E2F4: variants seen among roughly 807,000 people sequenced by gnomAD.
E2F4 encodes the protein transcription factor E2F4.
A neutral mutation model predicts 44.5 loss-of-function variants in E2F4; 16 were observed. The observed-to-expected ratio is 0.36, with a 90% CI of 0.24 to 0.55. The LOEUF is 0.55. Among genes scored for constraint, E2F4 ranks in the 20% least tolerant of loss-of-function variants. The pLI is 0.87. For synonymous variants in E2F4, 242 were observed against 207.2 expected (o/e 1.17, Z -1.44); for missense variants, 473 against 522.1 (o/e 0.91, Z 0.92).
intron 1 of E2F4, 104 bp from the exon 2 acceptor site, chr16:67,192,657 A>T: frequency 3.6e-6 from 4 of 1,123,758 alleles, no homozygotes; most frequent in Non-Finnish European, 5.2e-6. Flanking sequence ...CCTGGGAGGC[A>T]CTACAGGGTT....
intron 7 of E2F4, among the ~76,000 whole-genome samples, chr16:67,196,692 G>A (rs3730408): frequency 0.032 from 4,876 of 152,228 alleles, 135 homozygotes; most frequent in South Asian, 0.067. Flanking sequence ...TCCACCTGCC[G>A]TCCTGTGTAC....
rs1326852360 is a variant in E2F4 at position 67,192,273 on chromosome 16, A to G, written c.46A>G (p.Ser16Gly). 1 of 1,327,730 alleles carries G rather than the reference A, an allele frequency of 7.5e-7. No individual in the cohort carries two copies. 82.2% of individuals were successfully genotyped at this position (1,327,730 alleles called of 1,614,324 possible). The change falls in exon 1 of 10, where the codon AGC becomes GGC. Residue 16 changes from serine (S) to glycine (G), a missense_variant. This residue lies in a region of E2F4 where 40 missense variants were observed against 30.8 expected (regional missense o/e 1.30). Transcript: ENST00000379378. ...PQAPPPPGTP[S>G]RHEKSLGLLT... ...GGCGCCGCCGCCCCCGGGCACTCCA[A>G]GCCGGCACGAAAAGAGCCTGGGACT...
At chr16:67,194,659 C>T (rs1433464409) in intron 5 of E2F4, 27 bp from the exon 6 acceptor site, 4 of 1,602,116 alleles carry the variant, frequency 2.5e-6, no homozygotes, top group East Asian at 4.5e-5. Context: ...TTCTACCCAT[C>T]TCCCATCCCT....
intron 6 of E2F4, 93 bp from the exon 7 acceptor site, chr16:67,195,689 C>A: frequency 1.3e-6 from 2 of 1,574,210 alleles, no homozygotes; most frequent in South Asian, 1.1e-5. Flanking sequence ...GGGAACCAGG[C>A]TTGTGGTCCT....
intron 7 of E2F4, among the ~76,000 whole-genome samples, chr16:67,197,247 G>C (rs2032983749): frequency 1.3e-5 from 2 of 152,182 alleles, no homozygotes; most frequent in Admixed American, 1.3e-4. Flanking sequence ...CCCAGGGTCT[G>C]GTCTCAGTCT....
rs1220779037 is a variant in E2F4 at position 67,192,278 on chromosome 16, G to A, written c.51G>A (p.Arg17=). The change falls in exon 1 of 10, where the codon CGG becomes CGA. Residue 17 remains arginine, a synonymous_variant. Transcript: ENST00000379378. ...CGCCGCCCCCGGGCACTCCAAGCCG[G>A]CACGAAAAGAGCCTGGGACTGCTCA... ...QAPPPPGTPS[R]HEKSLGLLTT... 1.5e-6 allele frequency: 2 copies of A among 1,333,942 alleles called. No individual in the cohort carries two copies. Among genetic ancestry groups the A allele is most frequent in the Non-Finnish European group, 9.6e-7 (1 of 1,038,152 alleles). 82.6% of individuals were successfully genotyped at this position (1,333,942 alleles called of 1,614,324 possible).
At chr16:67,194,200 A>T in intron 4 of E2F4, 198 bp from the exon 5 acceptor site, 5 of 581,900 alleles carry the variant, frequency 8.6e-6, no homozygotes, top group Non-Finnish European at 1.5e-5. Context: ...AATTGAACCC[A>T]GATTTCCTGG....
rs2033000857 is a variant in E2F4 at position 67,198,052 on chromosome 16, G to A, written c.1171G>A (p.Asp391Asn). 2.5e-6 allele frequency: 4 copies of A among 1,613,986 alleles called. No individual in the cohort carries two copies. The highest frequency in any genetic ancestry group is 1.3e-5 in the African/African-American group (1 of 74,892). Residue 391 changes from aspartate (D) to asparagine (N), a missense_variant, in exon 10 of 10, where the codon GAT becomes AAT. By Grantham distance (23) the Asp-to-Asn change is conservative. Transcript: ENST00000379378. ...TCTTTCTCCACCCCCGGGAGACCAC[G>A]ATTATATCTACAACCTGGACGAGAG... ...LRLSPPPGDH[D>N]YIYNLDESEG...
At chr16:67,192,698 G>A in intron 1 of E2F4, 63 bp from the exon 2 acceptor site, 6 of 1,469,060 alleles carry the variant, frequency 4.1e-6, no homozygotes, top group Non-Finnish European at 5.6e-6. Context: ...CCCAGACCAC[G>A]TCTCAGGGTG....
At chr16:67,197,728 AG>A (rs1260480687) in intron 8 of E2F4, 82 bp downstream of exon 8, 37 of 1,600,932 alleles carry the variant, frequency 2.3e-5, no homozygotes, top group Non-Finnish European at 3.1e-5. Context: ...TGCCCTTTTG[AG>A]GACCTTGTTG....
Position 67,192,334 on chromosome 16 carries a change from C to T in E2F4, c.107C>T (p.Ala36Val). 2.1e-6 allele frequency: 3 copies of T among 1,427,100 alleles called. No homozygotes were observed. Among genetic ancestry groups the T allele is most frequent in the South Asian group, 1.8e-5 (1 of 56,892 alleles). 88.4% of individuals were successfully genotyped at this position (1,427,100 alleles called of 1,614,324 possible). A position where few individuals can be genotyped will look rare whatever the true frequency, so the allele number is the denominator to read the frequency against. The change falls in exon 1 of 10, where the codon GCC (alanine) becomes GTC (valine). Residue 36 changes from alanine to valine, a missense_variant. By Grantham distance (64) the Ala-to-Val change is moderately conservative. Transcript: ENST00000379378. ...TTKFVSLLQE[A>V]KDGVLDLKLA... ...AAGTTCGTGTCCCTTCTGCAGGAGG[C>T]CAAGGACGGCGTGCTTGACCTCAAG...
At chr16:67,196,035 G>T (rs1469251761) in intron 7 of E2F4, 29 bp downstream of exon 7, 19 of 1,612,330 alleles carry the variant, frequency 1.2e-5, no homozygotes, top group Non-Finnish European at 1.6e-5. Context: ...GGGGCAGAGA[G>T]AGAGAGTCTA....
Position 67,192,217 on chromosome 16 carries a change from G to A in E2F4, c.-11G>A. On this transcript the variant is annotated 5_prime_UTR_variant, in exon 1 of 10. Coordinates refer to ENST00000379378, the MANE Select transcript of E2F4 (RefSeq NM_001950.4). Reference sequence around the variant, plus strand: ...CCTGGCCTGGCTGAGGGGAGGCGGCGGGCGGGCGCGATGGCGGAGGCCGGG... The same window carrying A: ...CCTGGCCTGGCTGAGGGGAGGCGGCAGGCGGGCGCGATGGCGGAGGCCGGG... 1 of 1,248,876 alleles carries A rather than the reference G, an allele frequency of 8.0e-7. No individual in the cohort carries two copies. The highest frequency in any genetic ancestry group is 1.0e-6 in the Non-Finnish European group (1 of 996,394). 77.4% of individuals were successfully genotyped at this position (1,248,876 alleles called of 1,614,324 possible). A position where few individuals can be genotyped will look rare whatever the true frequency, so the allele number is the denominator to read the frequency against.
At position 67,198,060 on chromosome 16, in the gene E2F4, C is replaced by T. The variant is rs1377997267; in HGVS notation, c.1179C>T (p.Ile393=). 2 of 1,614,128 alleles carry T rather than the reference C, an allele frequency of 1.2e-6. No homozygotes were observed. The highest frequency in any genetic ancestry group is 1.6e-4 in the Middle Eastern group (1 of 6,062). ...LSPPPGDHDY[I]YNLDESEGVC... ...CACCCCCGGGAGACCACGATTATATCTACAACCTGGACGAGAGTGAAGGTG... is the reference window on the plus strand; with the variant it reads ...CACCCCCGGGAGACCACGATTATATTTACAACCTGGACGAGAGTGAAGGTG... Residue 393 remains isoleucine, a synonymous_variant, in exon 10 of 10, where the codon ATC becomes ATT. Coordinates refer to ENST00000379378, the MANE Select transcript of E2F4 (RefSeq NM_001950.4).
chr16:67,192,278 G>T lies in E2F4; in HGVS notation c.51G>T (p.Arg17=). Reference sequence around the variant, plus strand: ...CGCCGCCCCCGGGCACTCCAAGCCGGCACGAAAAGAGCCTGGGACTGCTCA... The same window carrying T: ...CGCCGCCCCCGGGCACTCCAAGCCGTCACGAAAAGAGCCTGGGACTGCTCA... ...QAPPPPGTPS[R]HEKSLGLLTT... is the part of the protein sequence containing the mutation. Residue 17 remains arginine, a synonymous_variant, in exon 1 of 10, where the codon CGG becomes CGT. Coordinates refer to ENST00000379378, the MANE Select transcript of E2F4 (RefSeq NM_001950.4). 1 of 1,334,056 alleles carries T rather than the reference G, an allele frequency of 7.5e-7. No homozygotes were observed. 82.6% of individuals were successfully genotyped at this position (1,334,056 alleles called of 1,614,324 possible).
chr16:67,194,887 G>T lies in E2F4; in HGVS notation c.715G>T (p.Ala239Ser), dbSNP rs1266518013. ...GCCTGCCCTAGCCCAGTCCCAGGAA[G>T]CCTCACGTCCAAATAGTCCTCAGCT... ...PKPALAQSQE[A>S]SRPNSPQLTP... is the part of the protein sequence containing the mutation. The change falls in exon 6 of 10, where the codon GCC (alanine) becomes TCC (serine). Residue 239 changes from alanine to serine, a missense_variant. By Grantham distance (99) the Ala-to-Ser change is moderately conservative. Transcript: ENST00000379378. The T allele has an allele frequency of 6.2e-7, 1 of 1,614,178 alleles. No individual in the cohort carries two copies. Among genetic ancestry groups the T allele is most frequent in the Non-Finnish European group, 8.5e-7 (1 of 1,180,028 alleles).
At chr16:67,193,538 TAA>T in intron 4 of E2F4, 23 bp downstream of exon 4, 1 of 1,613,590 alleles carries the variant, frequency 6.2e-7, no homozygotes, top group South Asian at 1.1e-5. Flanking sequence ...TGGGTAGGGG[TAA>T]GGGGGTGGGC....
chr16:67,195,737 C>T (rs886146064), intron 6 of E2F4, 45 bp from the exon 7 acceptor site: 2 of 1,609,578 alleles, frequency 1.2e-6, no homozygotes, highest in Non-Finnish European at 1.7e-6. Context: ...TTTCAACGAC[C>T]TCTTCCTGAC....
At chr16:67,195,108 C>G in intron 6 of E2F4, 128 bp downstream of exon 6, 1 of 1,205,192 alleles carries the variant, frequency 8.3e-7, no homozygotes, top group Non-Finnish European at 1.1e-6. Flanking sequence ...ACCTAGCCTT[C>G]CCTTGCTATG....
Sources: gnomAD v4.1 joint callset for allele counts (sites outside exome capture counted in the v4.1 genomes callset) on GRCh38, gnomAD v4.1.1 for gene constraint, gnomAD v4.1.1 regional missense constraint, MANE v1.5 for transcripts, NCBI Gene and HGNC (gene_info 2026-07-23, HGNC 2026-07-21) for gene names.